COL11A1: variants seen among roughly 807,000 people sequenced by gnomAD.
COL11A1 encodes the protein collagen alpha-1(XI) chain.
COL11A1 carries 74 observed loss-of-function variants against 265.2 expected under a neutral mutation model. The ratio of observed to expected loss-of-function variants is 0.28; its 90% CI spans 0.23 to 0.34. The LOEUF (loss-of-function observed/expected upper bound fraction) is 0.34. Ranked by LOEUF, COL11A1 falls within the 10% of genes least tolerant of loss-of-function variation. COL11A1 has a pLI of 1.00. For synonymous variants in COL11A1, 816 were observed against 727.6 expected (o/e 1.12, Z -1.96); for missense variants, 2,165 against 2,263.6 (o/e 0.96, Z 0.88).
chr1:103,102,135 G>T (rs1477270733), intron 1 of COL11A1, among the ~76,000 whole-genome samples: 1 of 151,932 alleles, frequency 6.6e-6, no homozygotes, highest in Non-Finnish European at 1.5e-5. Context: ...ACATATAAAA[G>T]AATACACTTA....
chr1:102,997,717 G>A (rs905617651), intron 25 of COL11A1, among the ~76,000 whole-genome samples: 4 of 151,822 alleles, frequency 2.6e-5, no homozygotes, highest in Non-Finnish European at 4.4e-5. Context: ...AAAAAAATCT[G>A]TAAATAACAA....
At chr1:102,878,243 T>C (rs1649745903) in intron 66 of COL11A1, 78 bp from the exon 67 acceptor site, 1 of 1,310,988 alleles carries the variant, frequency 7.6e-7, no homozygotes. Context: ...CTTGGGCTTC[T>C]GAGTGGAGGT....
chr1:102,985,449 A>G (rs1663443858), intron 30 of COL11A1, among the ~76,000 whole-genome samples: 1 of 152,118 alleles, frequency 6.6e-6, no homozygotes, highest in African/African-American at 2.4e-5. Context: ...ACTTATAATG[A>G]TGTTCCCTTG....
At chr1:102,981,927 G>T (rs1663077456) in intron 31 of COL11A1, among the ~76,000 whole-genome samples, 1 of 151,488 alleles carries the variant, frequency 6.6e-6, no homozygotes, top group Admixed American at 6.6e-5. Flanking sequence ...GCCTTAATCT[G>T]CTTGAAAGAG....
At chr1:102,896,412 A>G (rs1011750033) in intron 57 of COL11A1, among the ~76,000 whole-genome samples, 1 of 152,208 alleles carries the variant, frequency 6.6e-6, no homozygotes, top group Admixed American at 6.5e-5. Flanking sequence ...ATTGCCATAA[A>G]TGGCATTTTG....
Position 102,888,859 on chromosome 1 carries a change from T to A in COL11A1, c.4518+7A>T. 6.2e-7 allele frequency: 1 copy of A among 1,612,700 alleles called. No homozygotes were observed. Among genetic ancestry groups the A allele is most frequent in the Non-Finnish European group, 8.5e-7 (1 of 1,178,722 alleles). ...TACCTTATAAGGTTATTTTGTCTTG[T>A]ACTTACTGGTAAACCTGGAGGACCA... On this transcript the variant is annotated splice_region_variant and intron_variant, in intron 60 of 66. Transcript: ENST00000370096.
intron 44 of COL11A1, among the ~76,000 whole-genome samples, chr1:102,937,298 A>G (rs1446335085): frequency 1.3e-5 from 2 of 152,160 alleles, no homozygotes; most frequent in African/African-American, 4.8e-5. Flanking sequence ...TCATTTTAGC[A>G]TTGCTTTTAA....
In COL11A1 at chr1:103,108,347, T is replaced by C; in HGVS notation, c.-169A>G. The C allele has an allele frequency of 4.4e-6, 3 of 675,604 alleles. No individual in the cohort carries two copies. Among genetic ancestry groups the C allele is most frequent in the South Asian group, 1.6e-5 (1 of 61,572 alleles). The allele number at this position is 675,604 out of a possible 1,614,324, so 41.9% of individuals were successfully genotyped here. On this transcript the variant is annotated 5_prime_UTR_variant, in exon 1 of 67. Coordinates refer to ENST00000370096, the MANE Select transcript of COL11A1 (RefSeq NM_001854.4). ...CTTCTAAATTTGATGGTTTGCGTTC[T>C]TCGTGTCTCTAGCCCTTTCCTCTCC...
intron 4 of COL11A1, among the ~76,000 whole-genome samples, chr1:103,061,607 CAT>C (rs1454973652): frequency 1.3e-5 from 2 of 151,904 alleles, no homozygotes; most frequent in Non-Finnish European, 2.9e-5. Context: ...AATGTAAAAA[CAT>C]ACTTCTAACT....
intron 31 of COL11A1, among the ~76,000 whole-genome samples, chr1:102,981,201 G>A (rs189307747): frequency 3.3e-5 from 5 of 152,136 alleles, no homozygotes; most frequent in Non-Finnish European, 7.4e-5. Context: ...TGATCAACCT[G>A]AGAACAATTA....
chr1:102,966,150 C>A (rs928645701), intron 37 of COL11A1, among the ~76,000 whole-genome samples: 5 of 152,178 alleles, frequency 3.3e-5, no homozygotes, highest in African/African-American at 4.8e-5. Context: ...AATATACTCA[C>A]TAAATAAAAC....
intron 32 of COL11A1, 25 bp from the exon 33 acceptor site, chr1:102,979,129 T>C (rs1325972887): frequency 1.9e-6 from 3 of 1,608,594 alleles, no homozygotes; most frequent in Non-Finnish European, 2.6e-6. Context: ...TCAATTTCAA[T>C]ATGCAGTATA....
At chr1:103,060,429 G>T (rs1324859563) in intron 4 of COL11A1, among the ~76,000 whole-genome samples, 2 of 152,114 alleles carry the variant, frequency 1.3e-5, no homozygotes, top group Non-Finnish European at 2.9e-5. Context: ...GAATGAATAA[G>T]TGAAGGTAAA....
rs761762334 is a variant in COL11A1, at chr1:102,979,353, A to G, written c.2610+29T>C. ...TGTCCAGCTAAGAACACTTATATAC[A>G]TAGTTCAAAACATATTTATATATCA... is the stretch of plus-strand genomic sequence containing the variant. On this transcript the variant is annotated intron_variant, in intron 32 of 66. Coordinates refer to ENST00000370096, the MANE Select transcript of COL11A1 (RefSeq NM_001854.4). The G allele has an allele frequency of 1.7e-5, 26 of 1,557,452 alleles. 1 individual carries two copies. Among genetic ancestry groups the G allele is most frequent in the Middle Eastern group, 3.3e-4 (2 of 6,000 alleles).
At chr1:102,923,166 T>C (rs934007437) in intron 47 of COL11A1, among the ~76,000 whole-genome samples, 170 bp downstream of exon 47, 1 of 152,156 alleles carries the variant, frequency 6.6e-6, no homozygotes, top group Non-Finnish European at 1.5e-5. Context: ...CTCTACCTGC[T>C]CCAAATCAAA....
intron 4 of COL11A1, among the ~76,000 whole-genome samples, chr1:103,048,139 CCT>C (rs947173497): frequency 1.3e-5 from 2 of 152,120 alleles, no homozygotes; most frequent in Non-Finnish European, 2.9e-5. Context: ...GGGAGGATTC[CCT>C]CTTTTTCTAT....
At chr1:102,960,836 CTA>C (rs1399530156) in intron 41 of COL11A1, among the ~76,000 whole-genome samples, 1 of 151,902 alleles carries the variant, frequency 6.6e-6, no homozygotes, top group Non-Finnish European at 1.5e-5. Flanking sequence ...CAGTGTGGAA[CTA>C]TAGGATGGGT....
chr1:102,964,876 T>A (rs752590475), intron 38 of COL11A1, among the ~76,000 whole-genome samples: 5 of 152,206 alleles, frequency 3.3e-5, no homozygotes, highest in Non-Finnish European at 5.9e-5. Flanking sequence ...GAATTACTCT[T>A]TGTAGTTATT....
chr1:103,084,978 A>C (rs1014554068), intron 1 of COL11A1, among the ~76,000 whole-genome samples: 5 of 152,260 alleles, frequency 3.3e-5, no homozygotes, highest in African/African-American at 1.2e-4. Flanking sequence ...CATTTAAGAA[A>C]GATTAATGAA....
Sources: allele counts gnomAD v4.1 joint callset (sites outside exome capture counted in the v4.1 genomes callset), GRCh38; gene constraint gnomAD v4.1.1; transcripts MANE v1.5; gene names NCBI Gene and HGNC (gene_info 2026-07-23, HGNC 2026-07-21).